The following GLMN variants were observed in gnomAD, a reference collection of about 807,000 sequenced individuals.
GLMN encodes glomulin, FKBP associated protein.
In GLMN, 75 loss-of-function variants were observed where a neutral mutation model predicts 87.8. The observed-to-expected ratio is 0.85, with a 90% CI of 0.71 to 1.04. The LOEUF is 1.04. GLMN is among the 50% of genes least tolerant of loss of function. GLMN has a pLI of 0.00. For synonymous variants in GLMN, 206 were observed against 221.6 expected, an observed-to-expected ratio of 0.93 and a Z score of 0.63; for missense variants, 588 against 658.8, an observed-to-expected ratio of 0.89 and a Z score of 1.18.
chr1:92,249,514 C>T (rs1179789634), intron 16 of GLMN, among the ~76,000 whole-genome samples: 2 of 151,966 alleles, frequency 1.3e-5, no homozygotes, highest in Non-Finnish European at 2.9e-5. Flanking sequence ...TTTACTGATA[C>T]ATGATATTTT....
the GLMN span, chr1:92,323,964 T>G: frequency 1.2e-6 from 2 of 1,614,038 alleles, no homozygotes; most frequent in African/African-American, 2.7e-5. Context: ...ACCAAGTGTC[T>G]AGGTCAGTGT....
chr1:92,255,062 T>G (rs1449958514), intron 16 of GLMN, among the ~76,000 whole-genome samples: 11 of 151,080 alleles, frequency 7.3e-5, no homozygotes, highest in Non-Finnish European at 1.3e-4. Flanking sequence ...GATGAAGGAT[T>G]ATTTACCAAG....
chr1:92,269,766 G>T lies in GLMN; in HGVS notation c.934C>A (p.Leu312Ile). ...QLPMVLSPLY[L>I]LQFNMGHIEV... ...ATGTGCCCCATATTAAACTGCAAAAGGTACAATGGGCTAAAATAGAAACAA... is the reference window on the plus strand; with the variant it reads ...ATGTGCCCCATATTAAACTGCAAAATGTACAATGGGCTAAAATAGAAACAA... The change falls in exon 9 of 19, where the codon CTT becomes ATT. Residue 312 changes from leucine (L) to isoleucine (I), a missense_variant. Coordinates refer to ENST00000370360, the MANE Select transcript of GLMN (RefSeq NM_053274.3). 1 of 1,601,866 alleles carries T rather than the reference G, an allele frequency of 6.2e-7. No individual in the cohort carries two copies. The highest frequency in any genetic ancestry group is 8.6e-7 in the Non-Finnish European group (1 of 1,169,134).
the GLMN span, among the ~76,000 whole-genome samples, chr1:92,317,576 T>G: frequency 2.6e-5 from 4 of 152,178 alleles, no homozygotes; most frequent in Admixed American, 2.0e-4. Context: ...TAAAACCATC[T>G]AGCAGACAAT....
chr1:92,304,290 A>G, the GLMN span: 1 of 1,480,856 alleles, frequency 6.8e-7, no homozygotes, highest in South Asian at 1.2e-5. Flanking sequence ...TTAGGTACCA[A>G]AACAGAAATA....
chr1:92,336,270 A>T, the GLMN span: 1 of 918,098 alleles, frequency 1.1e-6, no homozygotes, highest in Non-Finnish European at 1.7e-6. Flanking sequence ...GCTATGGAAA[A>T]TTCAGATCTA....
At chr1:92,291,342 AAAC>A (rs1307780617) in intron 4 of GLMN, 73 bp downstream of exon 4, 7 of 1,320,940 alleles carry the variant, frequency 5.3e-6, no homozygotes, top group Non-Finnish European at 7.6e-6. Context: ...CTTTCTTACC[AAAC>A]AATAAACATT....
In GLMN at chr1:92,270,850, A is replaced by G. The variant is rs754083659; in HGVS notation, c.923+615T>C. Among the ~76,000 whole-genome samples the G allele has an allele frequency of 2.6e-5, 4 of 152,198 alleles. No homozygotes were observed. In the East Asian group the frequency reaches 5.8e-4, roughly 22 times the overall value. ...ATACAAAGGCCAAATAGGAAAATTC[A>G]TAACATTTAAACTAGAAACAAAAGA... On this transcript the variant is annotated intron_variant, in intron 8 of 18. Coordinates refer to ENST00000370360, the MANE Select transcript of GLMN (RefSeq NM_053274.3).
chr1:92,291,312 G>T, intron 4 of GLMN, 106 bp downstream of exon 4: 3 of 990,516 alleles, frequency 3.0e-6, no homozygotes, highest in South Asian at 1.4e-5. Flanking sequence ...CTTTCTGCAT[G>T]TACTTTCATG....
chr1:92,311,165 C>T, the GLMN span, among the ~76,000 whole-genome samples: 1 of 152,084 alleles, frequency 6.6e-6, no homozygotes, highest in Non-Finnish European at 1.5e-5. Flanking sequence ...ATTTAGCTCA[C>T]GTTTTTGGTT....
chr1:92,271,928 T>A (rs918224312), intron 7 of GLMN, among the ~76,000 whole-genome samples: 1 of 152,174 alleles, frequency 6.6e-6, no homozygotes, highest in Non-Finnish European at 1.5e-5. Context: ...ATCAGGTATA[T>A]TTTTAAAGGG....
At chr1:92,258,149 G>GA (rs1454428055) in intron 16 of GLMN, among the ~76,000 whole-genome samples, 2 of 151,948 alleles carry the variant, frequency 1.3e-5, no homozygotes, top group African/African-American at 4.8e-5. Flanking sequence ...CAACAAACAT[G>GA]AAAAAAAGCT....
intron 7 of GLMN, among the ~76,000 whole-genome samples, chr1:92,281,504 A>C (rs1317216599): frequency 1.3e-5 from 2 of 152,248 alleles, no homozygotes; most frequent in Non-Finnish European, 2.9e-5. Context: ...GGTACCAGCT[A>C]CTGCAAAAAC....
the GLMN span, among the ~76,000 whole-genome samples, chr1:92,360,624 G>A: frequency 9.9e-5 from 15 of 152,186 alleles, no homozygotes; most frequent in East Asian, 2.7e-3. Context: ...CATCAAAGGT[G>A]TATTTGCCTC....
At position 92,298,979 on chromosome 1, in the gene GLMN, C is replaced by G. The variant is rs886046549; in HGVS notation, c.-85G>C. The G allele has an allele frequency of 8.8e-6, 5 of 566,102 alleles. No individual in the cohort carries two copies. In the South Asian group the frequency reaches 1.4e-4, roughly 15 times the overall value. 35.1% of individuals were successfully genotyped at this position (566,102 alleles called of 1,614,324 possible). ...CGCCACCTCCTCCGGCGTCTTAGCC[C>G]GCTCTTCTGGCCCCGCCCCGCGCTA... On this transcript the variant is annotated 5_prime_UTR_variant, in exon 1 of 19. Coordinates refer to ENST00000370360, the MANE Select transcript of GLMN (RefSeq NM_053274.3).
chr1:92,342,504 A>C, the GLMN span, among the ~76,000 whole-genome samples: 1 of 152,250 alleles, frequency 6.6e-6, no homozygotes, highest in Admixed American at 6.5e-5. Flanking sequence ...ATGGAGGGTA[A>C]TTGCTAGGTT....
At chr1:92,306,479 A>G in the GLMN span, among the ~76,000 whole-genome samples, 2 of 152,254 alleles carry the variant, frequency 1.3e-5, no homozygotes, top group African/African-American at 4.8e-5. Flanking sequence ...TATAAATGGT[A>G]AAGTGTAATA....
chr1:92,304,049 C>A, the GLMN span: 1 of 1,611,886 alleles, frequency 6.2e-7, no homozygotes, highest in Non-Finnish European at 8.5e-7. Flanking sequence ...CTGTGGTTAT[C>A]CTTTATGTCA....
chr1:92,268,369 T>C (rs1045271836), intron 9 of GLMN, among the ~76,000 whole-genome samples: 3 of 152,232 alleles, frequency 2.0e-5, no homozygotes, highest in South Asian at 2.1e-4. Flanking sequence ...GATTATTTCC[T>C]AACTTCAAAA....
Sources: gnomAD v4.1 joint callset for allele counts (sites outside exome capture counted in the v4.1 genomes callset) on GRCh38, gnomAD v4.1.1 for gene constraint, MANE v1.5 for transcripts, NCBI Gene and HGNC (gene_info 2026-07-23, HGNC 2026-07-21) for gene names.